Variants in KCNC3 observed in about 807,000 individuals in gnomAD.
The protein encoded by KCNC3 is potassium voltage-gated channel subfamily C member 3.
Under a neutral mutation model 43.9 loss-of-function variants are expected in KCNC3, and 22 were observed. The ratio of observed to expected loss-of-function variants is 0.50; its 90% CI spans 0.36 to 0.72. The LOEUF is 0.72. Among genes scored for constraint, KCNC3 ranks in the 30% least tolerant of loss-of-function variants. KCNC3 has a pLI of 0.00. For synonymous variants in KCNC3, 492 were observed against 488.0 expected, an observed-to-expected ratio of 1.01 and a Z score of -0.11; for missense variants, 829 against 1,073.8, an observed-to-expected ratio of 0.77 and a Z score of 3.19.
chr19:50,327,947 G>T (rs2037125569), intron 1 of KCNC3, among the ~76,000 whole-genome samples: 1 of 151,260 alleles, frequency 6.6e-6, no homozygotes, highest in Non-Finnish European at 1.5e-5. Context: ...TAAGCGTCTA[G>T]GGTGGCCTTG....
intron 4 of KCNC3, among the ~76,000 whole-genome samples, chr19:50,316,882 G>A (rs1370285884): frequency 1.3e-5 from 2 of 151,886 alleles, no homozygotes; most frequent in Admixed American, 6.6e-5. Context: ...CTTGGGGAGG[G>A]CTGGAGGGGG....
At chr19:50,325,483 T>G (rs1182008311) in intron 1 of KCNC3, among the ~76,000 whole-genome samples, 2 of 151,264 alleles carry the variant, frequency 1.3e-5, no homozygotes, top group African/African-American at 4.9e-5. Context: ...TTGACTTCAC[T>G]GAGGTGCAGA....
Position 50,323,069 on chromosome 19 carries a change from C to A in KCNC3, c.1884G>T (p.Ala628=). The change falls in exon 2 of 5, where the codon GCG becomes GCT. Residue 628 remains alanine (A), a synonymous_variant. Transcript: ENST00000477616. ...GCAGCCCCATGATCCCCAGCCCACCCGCTCCCCCCCTGAGCAGCCCGGGGT... is the reference window on the plus strand; with the variant it reads ...GCAGCCCCATGATCCCCAGCCCACCAGCTCCCCCCCTGAGCAGCCCGGGGT... The part of the protein sequence containing the change: ...HTHPGLLRGG[A]GGLGIMGLPP... The A allele has an allele frequency of 6.5e-7, 1 of 1,539,070 alleles. No individual in the cohort carries two copies. The highest frequency in any genetic ancestry group is 8.7e-7 in the Non-Finnish European group (1 of 1,142,868).
Position 50,328,257 on chromosome 19 carries a change from C to G in KCNC3, c.826G>C (p.Val276Leu). ...TAGGGGTCCTCGAAGAGCGCCCACA[C>G]GCGGGGCTGCCAGCGGCGCCACCAT... ...GTWWRRWQPR[V>L]WALFEDPYSS... Residue 276 changes from valine (V) to leucine (L), a missense_variant, in exon 1 of 5, where the codon GTG (valine) becomes CTG (leucine). Around this residue, in one of 7 missense-constraint regions of KCNC3, gnomAD observed 157 missense variants for 293.5 expected, o/e 0.53. Transcript: ENST00000477616. 8.4e-7 allele frequency: 1 copy of G among 1,196,776 alleles called. No homozygotes were observed. Among genetic ancestry groups the G allele is most frequent in the Non-Finnish European group, 1.0e-6 (1 of 966,322 alleles). 74.1% of individuals were successfully genotyped at this position (1,196,776 alleles called of 1,614,324 possible). A position where few individuals can be genotyped will look rare whatever the true frequency, so the allele number is the denominator to read the frequency against.
rs769914321 is a variant in KCNC3, at chr19:50,320,767, C to G, written c.1996G>C (p.Asp666His). Reference sequence around the variant, plus strand: ...TGGGCAAGCGCAGCTGCTGCCGGATCCCCATTGGGGCGAGGATCTGCATCC... The same window carrying G: ...TGGGCAAGCGCAGCTGCTGCCGGATGCCCATTGGGGCGAGGATCTGCATCC... ...INRADPRPNG[D>H]PAAAALAHED... is the part of the protein sequence containing the mutation. The change falls in exon 3 of 5, where the codon GAT (aspartate) becomes CAT (histidine). Residue 666 changes from aspartate to histidine, a missense_variant. Physicochemically the swap from Asp to His is moderately conservative, Grantham distance 81. This residue lies in a region of KCNC3 where 308 missense variants were observed against 276.2 expected (regional missense o/e 1.11). Transcript: ENST00000477616. 3.1e-6 allele frequency: 5 copies of G among 1,613,720 alleles called. No homozygotes were observed. In the African/African-American group the frequency reaches 6.7e-5, roughly 22 times the overall value.
Position 50,329,032 on chromosome 19 carries a change from G to A in KCNC3, c.51C>T (p.Ser17=). The A allele has an allele frequency of 1.5e-6, 2 of 1,354,614 alleles. No individual in the cohort carries two copies. Among genetic ancestry groups the A allele is most frequent in the Non-Finnish European group, 1.9e-6 (2 of 1,049,278 alleles). The allele number at this position is 1,354,614 out of a possible 1,614,324, so 83.9% of individuals were successfully genotyped here. A position where few individuals can be genotyped will look rare whatever the true frequency, so the allele number is the denominator to read the frequency against. Residue 17 remains serine, a synonymous_variant, in exon 1 of 5, where the codon AGC becomes AGT. Coordinates refer to ENST00000477616, the MANE Select transcript of KCNC3 (RefSeq NM_004977.3). ...VSSFRGRQGA[S]KQQPAPPPQP... ...GCGGCGGTGGCGCCGGCTGCTGCTTGCTGGCCCCCTGGCGCCCGCGGAAGG... is the reference window on the plus strand; with the variant it reads ...GCGGCGGTGGCGCCGGCTGCTGCTTACTGGCCCCCTGGCGCCCGCGGAAGG...
chr19:50,325,709 T>TG (rs896399701), intron 1 of KCNC3, among the ~76,000 whole-genome samples: 2 of 151,674 alleles, frequency 1.3e-5, no homozygotes, highest in African/African-American at 4.8e-5. Context: ...GGCACCGCAG[T>TG]GGGGGCGGGC....
intron 4 of KCNC3, 39 bp downstream of exon 4, chr19:50,320,184 T>C: frequency 8.3e-6 from 1 of 120,380 alleles, no homozygotes; most frequent in Non-Finnish European, 1.5e-5. Context: ...GAGTGGGGAG[T>C]CTGGGGGTCC....
chr19:50,323,201 C>T lies in KCNC3; in HGVS notation c.1752G>A (p.Pro584=), dbSNP rs1001882554. The T allele has an allele frequency of 4.7e-5, 44 of 938,598 alleles. 1 individual carries two copies. The highest frequency in any genetic ancestry group is 2.8e-4 in the Admixed American group (14 of 49,450). The allele number at this position is 938,598 out of a possible 1,614,324, so 58.1% of individuals were successfully genotyped here. Residue 584 remains proline, a synonymous_variant, in exon 2 of 5, where the codon CCG becomes CCA. Coordinates refer to ENST00000477616, the MANE Select transcript of KCNC3 (RefSeq NM_004977.3). Reference sequence around the variant, plus strand: ...CCCCGCTGCCGTGGTGCGGGTGGGGCGGGGGTGGCGGGGGTGGGTCAGGCT... The same window carrying T: ...CCCCGCTGCCGTGGTGCGGGTGGGGTGGGGGTGGCGGGGGTGGGTCAGGCT... ...YCKPDPPPPP[P]PHPHHGSGGI...
Position 50,328,687 on chromosome 19 carries a change from G to A in KCNC3, c.396C>T (p.Ala132=). The A allele has an allele frequency of 6.2e-7, 1 of 1,606,538 alleles. No homozygotes were observed. The highest frequency in any genetic ancestry group is 1.1e-5 in the South Asian group (1 of 90,388). ...AAARFDYDPG[A]DEFFFDRHPG... ...GGTGCCGGTCAAAGAAGAACTCGTC[G>A]GCGCCCGGGTCGTAGTCGAAGCGTG... Residue 132 remains alanine, a synonymous_variant, in exon 1 of 5, where the codon GCC becomes GCT. Coordinates refer to ENST00000477616, the MANE Select transcript of KCNC3 (RefSeq NM_004977.3).
upstream of KCNC3, among the ~76,000 whole-genome samples, chr19:50,333,314 G>C (rs1267631022): frequency 2.0e-5 from 3 of 152,220 alleles, no homozygotes; most frequent in Non-Finnish European, 2.9e-5. Flanking sequence ...CGCCGGAGGA[G>C]GGGCAGCACC....
In KCNC3 at chr19:50,312,197, C is replaced by T. The variant is rs2036885662; in HGVS notation, c.*3918G>A. 1 of 152,094 alleles carries T rather than the reference C, an allele frequency of 6.6e-6. No individual in the cohort carries two copies. The highest frequency in any genetic ancestry group is 1.5e-5 in the Non-Finnish European group (1 of 68,032). 9.4% of individuals were successfully genotyped at this position (152,094 alleles called of 1,614,324 possible). A position where few individuals can be genotyped will look rare whatever the true frequency, so the allele number is the denominator to read the frequency against. On this transcript the variant is annotated 3_prime_UTR_variant, in exon 5 of 5. Transcript: ENST00000477616. Reference sequence around the variant, plus strand: ...TGCAGACCTCCCCTCCCCACACTGTCTCCGAACCCCGCCCCCATCCCTGAG... The same window carrying T: ...TGCAGACCTCCCCTCCCCACACTGTTTCCGAACCCCGCCCCCATCCCTGAG...
In KCNC3 at chr19:50,320,577, A is replaced by C; in HGVS notation, c.2170+16T>G. The stretch of plus-strand genomic sequence containing the variant: ...AGAGGGAGGGTCCCAGGGGATCAGT[A>C]GGGGGGGCACCTCACCTTTTCGGAT... On this transcript the variant is annotated intron_variant, in intron 3 of 4. Coordinates refer to ENST00000477616, the MANE Select transcript of KCNC3 (RefSeq NM_004977.3). The C allele has an allele frequency of 6.2e-7, 1 of 1,603,984 alleles. No individual in the cohort carries two copies. Among genetic ancestry groups the C allele is most frequent in the South Asian group, 1.1e-5 (1 of 90,202 alleles).
chr19:50,319,427 C>T (rs2081387776), intron 4 of KCNC3, among the ~76,000 whole-genome samples: 1 of 152,148 alleles, frequency 6.6e-6, no homozygotes, highest in East Asian at 1.9e-4. Context: ...AAGGTGGCAG[C>T]CTCTCAGCCC....
upstream of KCNC3, among the ~76,000 whole-genome samples, chr19:50,330,352 C>A (rs926345920): frequency 1.2e-4 from 19 of 152,090 alleles, no homozygotes; most frequent in Admixed American, 1.2e-3. Flanking sequence ...GCTTGAGGGT[C>A]TTGAAAGCAA....
At chr19:50,333,099 T>C (rs1259385455), upstream of KCNC3, among the ~76,000 whole-genome samples, 1 of 152,208 alleles carries the variant, frequency 6.6e-6, no homozygotes, top group East Asian at 1.9e-4. Context: ...TTTGGGTCCC[T>C]GGATCCCAAG....
intron 4 of KCNC3, among the ~76,000 whole-genome samples, chr19:50,317,406 C>T (rs2036971530): frequency 6.6e-6 from 1 of 152,068 alleles, no homozygotes. Flanking sequence ...CCCCCAGGTT[C>T]CCCTATGGCA....
rs775871539 is a variant in KCNC3 at position 50,328,695 on chromosome 19, G to C, written c.388C>G (p.Pro130Ala). The change falls in exon 1 of 5, where the codon CCG (proline) becomes GCG (alanine). Residue 130 changes from proline (P) to alanine (A), a missense_variant. Physicochemically the swap from Pro to Ala is conservative, Grantham distance 27. Around this residue, in one of 7 missense-constraint regions of KCNC3, gnomAD observed 121 missense variants for 247.4 expected, o/e 0.49. Coordinates refer to ENST00000477616, the MANE Select transcript of KCNC3 (RefSeq NM_004977.3). ...TCAAAGAAGAACTCGTCGGCGCCCGGGTCGTAGTCGAAGCGTGCCGCCGCC... is the reference window on the plus strand; with the variant it reads ...TCAAAGAAGAACTCGTCGGCGCCCGCGTCGTAGTCGAAGCGTGCCGCCGCC... ...PEAAARFDYDPGADEFFFDRH... is the reference protein window; with the variant it reads ...PEAAARFDYDAGADEFFFDRH... 3.1e-6 allele frequency: 5 copies of C among 1,603,802 alleles called. No individual in the cohort carries two copies. Among genetic ancestry groups the C allele is most frequent in the Non-Finnish European group, 3.4e-6 (4 of 1,176,126 alleles).
intron 4 of KCNC3, among the ~76,000 whole-genome samples, chr19:50,319,672 C>T (rs1412013573): frequency 6.6e-6 from 1 of 152,132 alleles, no homozygotes; most frequent in East Asian, 1.9e-4. Flanking sequence ...TCCATTTTAG[C>T]ATACATCGCC....
Sources: gnomAD v4.1 joint callset for allele counts (sites outside exome capture counted in the v4.1 genomes callset) on GRCh38, gnomAD v4.1.1 for gene constraint, gnomAD v4.1.1 regional missense constraint, MANE v1.5 for transcripts, NCBI Gene and HGNC (gene_info 2026-07-23, HGNC 2026-07-21) for gene names.